Variants in TRAPPC11 observed in about 807,000 individuals in gnomAD.
TRAPPC11 encodes the protein foie gras homolog.
TRAPPC11 carries 104 observed loss-of-function variants against 151.2 expected under a neutral mutation model. The observed-to-expected ratio is 0.69, with a 90% CI of 0.59 to 0.81. TRAPPC11 has a LOEUF of 0.81. Among genes scored for constraint, TRAPPC11 ranks in the 30% least tolerant of loss-of-function variants. The probability of loss-of-function intolerance (pLI) is 0.00; values close to 1 mark genes in which losing one functional copy is unlikely to be tolerated. For synonymous variants in TRAPPC11, 456 were observed against 472.3 expected (o/e 0.97, Z 0.45); for missense variants, 1,230 against 1,349.6 (o/e 0.91, Z 1.39).
At position 183,694,013 on chromosome 4, in the gene TRAPPC11, T is replaced by C. The variant is rs75176151; in HGVS notation, c.2483T>C (p.Val828Ala). The change falls in exon 22 of 30, where the codon GTT becomes GCT. Residue 828 changes from valine (V) to alanine (A), a missense_variant. By Grantham distance (64) the Val-to-Ala change is moderately conservative (BLOSUM62 0). Coordinates refer to ENST00000334690, the MANE Select transcript of TRAPPC11 (RefSeq NM_021942.6). ...CCGGCTTTACTCACTGACATTCCTG[T>C]TGGAGACTTACATCCAGGGGAACAG... ...SYPALLTDIP[V>A]GDLHPGEQLE... The C allele has an allele frequency of 9.6e-3, 15,523 of 1,613,952 alleles. 119 individuals are homozygous for C. Among genetic ancestry groups the C allele is most frequent in the Non-Finnish European group, 0.011 (12,912 of 1,179,822 alleles).
intron 18 of TRAPPC11, among the ~76,000 whole-genome samples, chr4:183,688,276 G>A (rs1193267846): frequency 6.6e-6 from 1 of 152,124 alleles, no homozygotes; most frequent in East Asian, 1.9e-4. Flanking sequence ...AAAAAGGGAG[G>A]GAGTTCCAAG....
At chr4:183,667,177 C>T (rs958240732) in intron 4 of TRAPPC11, 47 bp downstream of exon 4, 4 of 1,469,196 alleles carry the variant, frequency 2.7e-6, no homozygotes, top group Non-Finnish European at 2.8e-6. Context: ...ACCTCCAATT[C>T]TTATTAAAGG....
chr4:183,711,147 G>A (rs1005233906), intron 29 of TRAPPC11, among the ~76,000 whole-genome samples: 1 of 152,076 alleles, frequency 6.6e-6, no homozygotes, highest in African/African-American at 2.4e-5. Context: ...AAGGACAGTG[G>A]CTGAGGATTA....
At chr4:183,688,734 CGTGT>C (rs143398172) in intron 18 of TRAPPC11, among the ~76,000 whole-genome samples, 1 of 150,566 alleles carries the variant, frequency 6.6e-6, no homozygotes, top group Admixed American at 6.6e-5. Context: ...AGTGTGTGTG[CGTGT>C]GTGTGTGTGT....
At position 183,686,692 on chromosome 4, in the gene TRAPPC11, G is replaced by C. The variant is rs769979581; in HGVS notation, c.1837G>C (p.Ala613Pro). 6.2e-7 allele frequency: 1 copy of C among 1,613,938 alleles called. No homozygotes were observed. Among genetic ancestry groups the C allele is most frequent in the African/African-American group, 1.3e-5 (1 of 74,900 alleles). ...VPVQFDIYLKADCPHPIRFSK... is the reference protein window; with the variant it reads ...VPVQFDIYLKPDCPHPIRFSK... ...TGTTCAGTTTGATATTTATCTGAAG[G>C]CTGATTGTCCACATCCCATTAGGTT... The change falls in exon 18 of 30, where the codon GCT becomes CCT. Residue 613 changes from alanine to proline, a missense_variant. Transcript: ENST00000334690.
At chr4:183,682,945 T>G in intron 11 of TRAPPC11, 120 bp downstream of exon 11, 1 of 689,288 alleles carries the variant, frequency 1.5e-6, no homozygotes, top group South Asian at 1.9e-5. Context: ...TGTGTGCTTT[T>G]TAAACATTGT....
At chr4:183,701,570 T>C (rs1736800614) in intron 25 of TRAPPC11, 127 bp from the exon 26 acceptor site, 2 of 648,012 alleles carry the variant, frequency 3.1e-6, no homozygotes, top group Non-Finnish European at 5.4e-6. Flanking sequence ...TGAACCCTAC[T>C]TTCTAAGTCT....
chr4:183,679,352 G>C lies in TRAPPC11; in HGVS notation c.832-1G>C. The C allele has an allele frequency of 6.3e-7, 1 of 1,590,250 alleles. No individual in the cohort carries two copies. The highest frequency in any genetic ancestry group is 1.4e-5 in the African/African-American group (1 of 73,760). ...TTTGGGATCAATTTTACATTTTGCA[G>C]ATCTGTAGGCTGTGTTTTCAACACA... On this transcript the variant is annotated splice_acceptor_variant, in intron 8 of 29. Coordinates refer to ENST00000334690, the MANE Select transcript of TRAPPC11 (RefSeq NM_021942.6). LOFTEE classifies it high-confidence loss of function.
intron 1 of TRAPPC11, among the ~76,000 whole-genome samples, chr4:183,663,039 C>T (rs1734638212): frequency 6.6e-6 from 1 of 151,876 alleles, no homozygotes; most frequent in African/African-American, 2.4e-5. Flanking sequence ...ATACTCAAAG[C>T]CTTTTGCCTT....
chr4:183,689,842 G>A (rs896259460), intron 18 of TRAPPC11, among the ~76,000 whole-genome samples: 9 of 149,340 alleles, frequency 6.0e-5, no homozygotes, highest in South Asian at 2.1e-4. Context: ...AACTAATAAC[G>A]CTAAAATGGA....
At position 183,697,830 on chromosome 4, in the gene TRAPPC11, A is replaced by G. The variant is rs1736618954; in HGVS notation, c.2846A>G (p.Asp949Gly). Residue 949 changes from aspartate to glycine, a missense_variant, in exon 25 of 30, where the codon GAC becomes GGC. By Grantham distance (94) the Asp-to-Gly change is moderately conservative. Transcript: ENST00000334690. Reference protein sequence around the residue: ...TTVDQLESQVDNVILQTGESA... With the variant: ...TTVDQLESQVGNVILQTGESA... ...GTGGACCAGCTCGAGTCTCAAGTGGACAATGGTGAGTCTGGTTCATTCCCA... is the reference window on the plus strand; with the variant it reads ...GTGGACCAGCTCGAGTCTCAAGTGGGCAATGGTGAGTCTGGTTCATTCCCA... 1 of 1,613,374 alleles carries G rather than the reference A, an allele frequency of 6.2e-7. No homozygotes were observed. The highest frequency in any genetic ancestry group is 1.3e-5 in the African/African-American group (1 of 74,848).
At chr4:183,661,601 G>A (rs1734546496) in intron 1 of TRAPPC11, among the ~76,000 whole-genome samples, 2 of 151,630 alleles carry the variant, frequency 1.3e-5, no homozygotes, top group Non-Finnish European at 1.5e-5. Context: ...TCGATCTCCT[G>A]ACCTTGTGAT....
chr4:183,674,751 AC>A lies in TRAPPC11; in HGVS notation c.600del (p.Tyr201ThrfsTer7), dbSNP rs1561034974. The A allele has an allele frequency of 6.3e-7, 1 of 1,592,414 alleles. No homozygotes were observed. The highest frequency in any genetic ancestry group is 8.5e-7 in the Non-Finnish European group (1 of 1,172,056). ...NAFYEHAQTY[Y>X]YTEIRRVKSH... The stretch of plus-strand genomic sequence containing the variant: ...TTTTATGAACATGCACAGACTTATT[AC>A]TACACTGAGATCAGAAGAGTGAAAT... On this transcript the variant is annotated frameshift_variant, in exon 6 of 30. Coordinates refer to ENST00000334690, the MANE Select transcript of TRAPPC11 (RefSeq NM_021942.6). LOFTEE classifies it high-confidence loss of function.
chr4:183,701,254 A>G (rs1310522886), intron 25 of TRAPPC11: 1 of 155,164 alleles, frequency 6.4e-6, no homozygotes, highest in African/African-American at 2.4e-5. Context: ...CAACCTGTAT[A>G]TGTTTACTCA....
At chr4:183,692,492 T>C (rs1349789130) in intron 19 of TRAPPC11, among the ~76,000 whole-genome samples, 1 of 152,192 alleles carries the variant, frequency 6.6e-6, no homozygotes, top group Admixed American at 6.5e-5. Flanking sequence ...TTGAGTCCTT[T>C]TGTTAATGGT....
Position 183,693,668 on chromosome 4 carries a change from G to T in TRAPPC11, c.2317G>T (p.Val773Phe), listed in dbSNP as rs1184172882. 6 of 1,614,112 alleles carry T rather than the reference G, an allele frequency of 3.7e-6. No homozygotes were observed. Among genetic ancestry groups the T allele is most frequent in the Non-Finnish European group, 5.1e-6 (6 of 1,180,038 alleles). The change falls in exon 21 of 30, where the codon GTT (valine) becomes TTT (phenylalanine). Residue 773 changes from valine to phenylalanine, a missense_variant. By Grantham distance (50) the Val-to-Phe change is conservative. Transcript: ENST00000334690. Reference protein sequence around the residue: ...PALTNEMYCLVVTVQSHEKTQ... With the variant: ...PALTNEMYCLFVTVQSHEKTQ... Reference sequence around the variant, plus strand: ...ACTGACTAATGAAATGTATTGTTTGGTTGTGACTGTTCAGTCCCATGAAAA... The same window carrying T: ...ACTGACTAATGAAATGTATTGTTTGTTTGTGACTGTTCAGTCCCATGAAAA...
intron 25 of TRAPPC11, 50 bp downstream of exon 25, chr4:183,697,885 G>T (rs775868735): frequency 1.3e-6 from 2 of 1,485,540 alleles, no homozygotes; most frequent in Non-Finnish European, 1.8e-6. Flanking sequence ...GTGCGCGCGT[G>T]TGTGTGTGTG....
At position 183,708,509 on chromosome 4, in the gene TRAPPC11, C is replaced by T. The variant is rs1737193648; in HGVS notation, c.3292C>T (p.Leu1098Phe). 6.2e-7 allele frequency: 1 copy of T among 1,614,116 alleles called. No individual in the cohort carries two copies. The highest frequency in any genetic ancestry group is 8.5e-7 in the Non-Finnish European group (1 of 1,180,000). ...GCTGCCATCTCTCAACATCAACTTG[C>T]TTAGATTTCCTAACTTCACAAATCA... ...QQLPSLNINL[L>F]RFPNFTNQLL... The change falls in exon 29 of 30, where the codon CTT becomes TTT. Residue 1098 changes from leucine (L) to phenylalanine (F), a missense_variant. Transcript: ENST00000334690.
At chr4:183,674,248 C>T (rs1735297561) in intron 5 of TRAPPC11, among the ~76,000 whole-genome samples, 1 of 151,690 alleles carries the variant, frequency 6.6e-6, no homozygotes, top group African/African-American at 2.4e-5. Context: ...TAAAACCTCA[C>T]CTAAACTAAA....
Sources: gnomAD v4.1 joint callset for allele counts (sites outside exome capture counted in the v4.1 genomes callset) on GRCh38, gnomAD v4.1.1 for gene constraint, MANE v1.5 for transcripts, NCBI Gene and HGNC (gene_info 2026-07-23, HGNC 2026-07-21) for gene names.